The following RIC8B variants were observed in gnomAD, a reference collection of about 807,000 sequenced individuals.
RIC8B encodes the protein RIC8 guanine nucleotide exchange factor B.
A neutral mutation model predicts 57.5 loss-of-function variants in RIC8B; 16 were observed. The observed-to-expected ratio is 0.28, with a 90% CI of 0.19 to 0.42. The LOEUF is 0.42. Among genes scored for constraint, RIC8B ranks in the 10% least tolerant of loss-of-function variants. RIC8B has a pLI of 1.00. For missense variants in RIC8B, 481 were observed against 677.0 expected, an observed-to-expected ratio of 0.71 and a Z score of 3.21; for synonymous variants, 216 against 250.8, an observed-to-expected ratio of 0.86 and a Z score of 1.31.
chr12:106,874,547 A>C, intron 9 of RIC8B: 1 of 1,551,178 alleles, frequency 6.4e-7, no homozygotes, highest in Non-Finnish European at 8.7e-7. Context: ...CAAAGCACTT[A>C]CCAAAGTGAT....
At position 106,886,260 on chromosome 12, in the gene RIC8B, A is replaced by T; in HGVS notation, c.*245A>T. On this transcript the variant is annotated 3_prime_UTR_variant, in exon 10 of 10. Coordinates refer to ENST00000392837, the MANE Select transcript of RIC8B (RefSeq NM_001330145.2). ...AAAAGCAGAAAAAAAATTCCATTTC[A>T]TCGGGATGGAACTGAAGGATTTTAT... 2.3e-6 allele frequency: 1 copy of T among 428,804 alleles called. No individual in the cohort carries two copies. The highest frequency in any genetic ancestry group is 4.2e-6 in the Non-Finnish European group (1 of 240,386). 26.6% of individuals were successfully genotyped at this position (428,804 alleles called of 1,614,324 possible). A position where few individuals can be genotyped will look rare whatever the true frequency, so the allele number is the denominator to read the frequency against.
At chr12:106,873,016 C>G (rs1950511785) in intron 9 of RIC8B, 2 of 985,366 alleles carry the variant, frequency 2.0e-6, no homozygotes, top group African/African-American at 1.7e-5. Flanking sequence ...CTAGGTCCTT[C>G]TCCTTTTAAT....
intron 9 of RIC8B, among the ~76,000 whole-genome samples, chr12:106,877,269 G>C (rs938686686): frequency 6.6e-6 from 1 of 152,088 alleles, no homozygotes; most frequent in Non-Finnish European, 1.5e-5. Context: ...ATGCACCAAA[G>C]ATTAAGTAAC....
intron 4 of RIC8B, among the ~76,000 whole-genome samples, chr12:106,835,707 G>C (rs138811033): frequency 2.7e-4 from 41 of 152,290 alleles, no homozygotes; most frequent in African/African-American, 9.6e-4. Flanking sequence ...TATATTTGTT[G>C]AATGAATAAA....
intron 2 of RIC8B, among the ~76,000 whole-genome samples, chr12:106,803,411 T>C (rs1037363663): frequency 1.3e-5 from 2 of 152,126 alleles, no homozygotes; most frequent in South Asian, 2.1e-4. Context: ...CATTCTGAAA[T>C]TGGACACAGT....
intron 2 of RIC8B, among the ~76,000 whole-genome samples, chr12:106,786,661 G>A (rs763085812): frequency 1.3e-5 from 2 of 152,066 alleles, no homozygotes; most frequent in Non-Finnish European, 2.9e-5. Context: ...CTGAAACATT[G>A]TACATAATAG....
rs1950607651 is a variant in RIC8B, at chr12:106,875,226, T to A, written c.1571+4284T>A. 2.0e-5 allele frequency among the ~76,000 whole-genome samples: 3 copies of A among 152,144 alleles called. No homozygotes were observed. The South Asian group carries it at 6.2e-4, about 31-fold the overall frequency. ...TGATAACTGTAATATTTATCAAATA[T>A]AAACATTTAAGGCCTGAGGCATGAA... On this transcript the variant is annotated intron_variant, in intron 9 of 9. Coordinates refer to ENST00000392837, the MANE Select transcript of RIC8B (RefSeq NM_001330145.2).
At chr12:106,790,951 T>A (rs1183118230) in intron 2 of RIC8B, among the ~76,000 whole-genome samples, 2 of 152,192 alleles carry the variant, frequency 1.3e-5, no homozygotes, top group Non-Finnish European at 2.9e-5. Context: ...GCAAGCTCTT[T>A]GAGGACAAGA....
intron 2 of RIC8B, among the ~76,000 whole-genome samples, chr12:106,785,344 C>G (rs2043956465): frequency 6.6e-6 from 1 of 152,190 alleles, no homozygotes; most frequent in Non-Finnish European, 1.5e-5. Flanking sequence ...TGAATCCCTA[C>G]TCACCTCAGG....
At chr12:106,838,385 C>A (rs1051121111) in intron 4 of RIC8B, among the ~76,000 whole-genome samples, 1 of 152,034 alleles carries the variant, frequency 6.6e-6, no homozygotes, top group Non-Finnish European at 1.5e-5. Flanking sequence ...TAGAAGAACA[C>A]TTAAATTAGC....
At chr12:106,860,172 T>TA in intron 7 of RIC8B, 96 bp from the exon 8 acceptor site, 1 of 1,062,834 alleles carries the variant, frequency 9.4e-7, no homozygotes, top group Admixed American at 2.7e-5. Context: ...TTTACTGCCA[T>TA]AGTGTGTGTC....
chr12:106,821,621 A>C (rs996415064), intron 3 of RIC8B, among the ~76,000 whole-genome samples: 6 of 152,344 alleles, frequency 3.9e-5, no homozygotes, highest in Admixed American at 3.9e-4. Flanking sequence ...GGATAAAATT[A>C]TTAATTAAAG....
chr12:106,826,197 A>C (rs1214894757), intron 4 of RIC8B, among the ~76,000 whole-genome samples: 2 of 152,202 alleles, frequency 1.3e-5, no homozygotes, highest in Non-Finnish European at 2.9e-5. Context: ...CCATGCCAAC[A>C]TTATAAGGTA....
chr12:106,871,500 C>CAAAAAAAAAAAAAAAA (rs1566169701), intron 9 of RIC8B: 1 of 66,576 alleles, frequency 1.5e-5, no homozygotes, highest in African/African-American at 6.0e-5. Flanking sequence ...AAAAAAAAAC[C>CAAAAAAAAAAAAAAAA]AAAAAACTCC....
chr12:106,782,013 CCTT>C (rs1190187944), intron 1 of RIC8B, among the ~76,000 whole-genome samples: 3 of 151,998 alleles, frequency 2.0e-5, no homozygotes, highest in South Asian at 2.1e-4. Flanking sequence ...TTCCTCTCCT[CCTT>C]CTTTCTTTTT....
chr12:106,875,773 A>G (rs754656908), intron 9 of RIC8B, among the ~76,000 whole-genome samples: 2 of 152,060 alleles, frequency 1.3e-5, no homozygotes, highest in African/African-American at 2.4e-5. Flanking sequence ...TCCTTAGCCA[A>G]TAAGTGTTTT....
chr12:106,815,320 C>A lies in RIC8B; in HGVS notation c.741+16C>A. 1 of 1,570,706 alleles carries A rather than the reference C, an allele frequency of 6.4e-7. No individual in the cohort carries two copies. Among genetic ancestry groups the A allele is most frequent in the South Asian group, 1.2e-5 (1 of 83,534 alleles). Reference sequence around the variant, plus strand: ...GCATAAAGAGGTAAGGTAGAGAAGGCTATTTTTGTCTACCTGGAATTTAAT... The same window carrying A: ...GCATAAAGAGGTAAGGTAGAGAAGGATATTTTTGTCTACCTGGAATTTAAT... On this transcript the variant is annotated intron_variant, in intron 3 of 9. Coordinates refer to ENST00000392837, the MANE Select transcript of RIC8B (RefSeq NM_001330145.2).
chr12:106,799,123 A>G (rs1215233856), intron 2 of RIC8B, among the ~76,000 whole-genome samples: 1 of 152,266 alleles, frequency 6.6e-6, no homozygotes, highest in East Asian at 1.9e-4. Flanking sequence ...TAGAATCTAT[A>G]GAATTAATAG....
chr12:106,779,724 T>C (rs1171883821), intron 1 of RIC8B, among the ~76,000 whole-genome samples: 1 of 151,120 alleles, frequency 6.6e-6, no homozygotes, highest in Admixed American at 6.6e-5. Context: ...CATTGTTGGT[T>C]GAATCCACAG....
Sources: allele counts gnomAD v4.1 joint callset (sites outside exome capture counted in the v4.1 genomes callset), GRCh38; gene constraint gnomAD v4.1.1; transcripts MANE v1.5; gene names NCBI Gene and HGNC (gene_info 2026-07-23, HGNC 2026-07-21).